Variants in C5orf34 observed in about 807,000 individuals in gnomAD.
C5orf34 encodes chromosome 5 open reading frame 34.
C5orf34 carries 73 observed loss-of-function variants against 78.4 expected under a neutral mutation model. The ratio of observed to expected loss-of-function variants is 0.93; its 90% CI spans 0.77 to 1.13. C5orf34 has a LOEUF of 1.13. Ranked by LOEUF, C5orf34 falls within the 50% of genes most tolerant of loss-of-function variation. The pLI, the probability that C5orf34 is intolerant of heterozygous loss-of-function variation, is 0.00. For missense variants in C5orf34, 730 were observed against 732.7 expected, an observed-to-expected ratio of 1.00 and a Z score of 0.04; for synonymous variants, 251 against 246.6, an observed-to-expected ratio of 1.02 and a Z score of -0.17.
intron 8 of C5orf34, among the ~76,000 whole-genome samples, chr5:43,493,245 T>C (rs1369626246): frequency 6.6e-6 from 1 of 152,102 alleles, no homozygotes; most frequent in East Asian, 1.9e-4. Context: ...TATGAAAATA[T>C]AGAACACTAT....
At chr5:43,501,244 CTTGA>C (rs1745745547) in intron 6 of C5orf34, among the ~76,000 whole-genome samples, 1 of 152,188 alleles carries the variant, frequency 6.6e-6, no homozygotes, top group Non-Finnish European at 1.5e-5. Context: ...TGCTTGCTCA[CTTGA>C]TTGTCTGATG....
chr5:43,510,411 T>C (rs146615213), intron 1 of C5orf34, among the ~76,000 whole-genome samples: 339 of 152,290 alleles, frequency 2.2e-3, no homozygotes, highest in African/African-American at 7.8e-3. Flanking sequence ...GAAGGGGAAT[T>C]AAAGAGTTGG....
chr5:43,495,730 G>C (rs1745488688), intron 6 of C5orf34: 4 of 1,582,722 alleles, frequency 2.5e-6, no homozygotes, highest in East Asian at 2.2e-5. Context: ...GCAAGGGCTT[G>C]TCAGTTGGAT....
chr5:43,499,004 A>C (rs778585744), intron 6 of C5orf34, among the ~76,000 whole-genome samples: 16 of 152,236 alleles, frequency 1.1e-4, no homozygotes, highest in South Asian at 2.1e-4. Context: ...CTGTGCTAAG[A>C]AGCAGCAATA....
At position 43,512,329 on chromosome 5, in the gene C5orf34, A is replaced by G. The variant is rs902272478; in HGVS notation, c.-37+2477T>C. On this transcript the variant is annotated intron_variant, in intron 1 of 12. Transcript: ENST00000306862. ...GCCAGAAAAAAATAACGTTCTATAGAAAACACTTTCACTTTATCCCTATTT... is the reference window on the plus strand; with the variant it reads ...GCCAGAAAAAAATAACGTTCTATAGGAAACACTTTCACTTTATCCCTATTT... Among the ~76,000 whole-genome samples, 9 of 152,364 alleles carry G rather than the reference A, an allele frequency of 5.9e-5. No individual in the cohort carries two copies. In the South Asian group the frequency reaches 1.2e-3, roughly 21 times the overall value.
chr5:43,506,356 A>C lies in C5orf34; in HGVS notation c.324T>G (p.Ser108Arg). ...FIDITEVRWP[S>R]LDTDGTMIYM... ...ATATCATGGTACCATCTGTATCAAGACTGGGCCATCTCACTTCTGTTATGT... is the reference window on the plus strand; with the variant it reads ...ATATCATGGTACCATCTGTATCAAGCCTGGGCCATCTCACTTCTGTTATGT... Residue 108 changes from serine to arginine, a missense_variant, in exon 4 of 13, where the codon AGT (serine) becomes AGG (arginine). Transcript: ENST00000306862. The C allele has an allele frequency of 5.6e-6, 9 of 1,612,128 alleles. No homozygotes were observed. Among genetic ancestry groups the C allele is most frequent in the Non-Finnish European group, 7.6e-6 (9 of 1,179,152 alleles).
At chr5:43,503,001 T>C (rs1240224044) in intron 5 of C5orf34, among the ~76,000 whole-genome samples, 1 of 152,190 alleles carries the variant, frequency 6.6e-6, no homozygotes, top group Non-Finnish European at 1.5e-5. Context: ...AATAGAAACT[T>C]AAGCCAAGTT....
At chr5:43,491,987 G>A (rs1241174069) in intron 10 of C5orf34, among the ~76,000 whole-genome samples, 2 of 138,592 alleles carry the variant, frequency 1.4e-5, no homozygotes, top group Non-Finnish European at 3.0e-5. Flanking sequence ...CCAGGCCACA[G>A]GAGCAAAACT....
intron 12 of C5orf34, among the ~76,000 whole-genome samples, chr5:43,487,690 T>C (rs768828715): frequency 3.9e-5 from 6 of 152,110 alleles, no homozygotes; most frequent in African/African-American, 7.2e-5. Flanking sequence ...TAACTGTTCT[T>C]TGCCCAATTT....
In C5orf34 at chr5:43,487,130, G is replaced by C; in HGVS notation, c.1721-19C>G. The C allele has an allele frequency of 7.6e-7, 1 of 1,316,230 alleles. No individual in the cohort carries two copies. The allele number at this position is 1,316,230 out of a possible 1,614,324, so 81.5% of individuals were successfully genotyped here. ...AGTAGCACTAAGTTGCTTAGTTAAG[G>C]AGGTTTTCCCCACATTTTTCACTAT... On this transcript the variant is annotated intron_variant, in intron 12 of 12. Coordinates refer to ENST00000306862, the MANE Select transcript of C5orf34 (RefSeq NM_198566.4).
intron 4 of C5orf34, 70 bp downstream of exon 4, chr5:43,505,678 A>C (rs1474356386): frequency 1.4e-6 from 2 of 1,441,572 alleles, no homozygotes; most frequent in Non-Finnish European, 1.8e-6. Flanking sequence ...TATCAGATAA[A>C]AAGAAAATTA....
chr5:43,493,396 T>A (rs1452046173), intron 8 of C5orf34, 147 bp downstream of exon 8: 2 of 586,884 alleles, frequency 3.4e-6, no homozygotes, highest in African/African-American at 3.9e-5. Context: ...GTTTGTCTAC[T>A]AGGTAGGTAT....
intron 6 of C5orf34, chr5:43,495,297 C>G: frequency 3.1e-6 from 5 of 1,610,264 alleles, no homozygotes; most frequent in Non-Finnish European, 4.2e-6. Flanking sequence ...GGGCCATCTT[C>G]CAGCTTTTTA....
At chr5:43,491,027 C>G (rs912527497) in intron 10 of C5orf34, among the ~76,000 whole-genome samples, 1 of 152,082 alleles carries the variant, frequency 6.6e-6, no homozygotes, top group Non-Finnish European at 1.5e-5. Context: ...TTTAAATGTT[C>G]TAATTCTTTT....
chr5:43,498,533 C>A (rs1295793369), intron 6 of C5orf34, among the ~76,000 whole-genome samples: 1 of 152,226 alleles, frequency 6.6e-6, no homozygotes, highest in Admixed American at 6.5e-5. Flanking sequence ...TGGTTTCACA[C>A]AGTACCGGGC....
intron 3 of C5orf34, among the ~76,000 whole-genome samples, chr5:43,508,256 TA>T (rs1344701530): frequency 2.6e-5 from 4 of 152,170 alleles, no homozygotes; most frequent in Non-Finnish European, 4.4e-5. Flanking sequence ...AACACAATAC[TA>T]TATAAGCAAA....
chr5:43,486,984 T>C lies in C5orf34; in HGVS notation c.1848A>G (p.Ser616=). The C allele has an allele frequency of 6.3e-7, 1 of 1,590,178 alleles. No individual in the cohort carries two copies. The highest frequency in any genetic ancestry group is 1.1e-5 in the South Asian group (1 of 87,096). The change falls in exon 13 of 13, where the codon TCA becomes TCG. Residue 616 remains serine (S), a synonymous_variant. Transcript: ENST00000306862. ...TTTCAGAGGTTTTTTTCAATGCTAT[T>C]GATACTCTATTTTCATTAACTTCTC... ...LLGEVNENRV[S]IALKKTSEIL... is the part of the protein sequence containing the mutation.
In C5orf34 at chr5:43,508,606, C is replaced by G. The variant is rs1173571398; in HGVS notation, c.256G>C (p.Glu86Gln). ...NSSATCPFLSETIIPSERKKH... is the reference protein window; with the variant it reads ...NSSATCPFLSQTIIPSERKKH... ...TTTCTTTCAGAAGGTATGATGGTTT[C>G]AGATAAAAAAGGGCAAGTAGCTGAA... The change falls in exon 3 of 13, where the codon GAA (glutamate) becomes CAA (glutamine). Residue 86 changes from glutamate to glutamine, a missense_variant. Physicochemically the swap from Glu to Gln is conservative, Grantham distance 29 (BLOSUM62 2). Coordinates refer to ENST00000306862, the MANE Select transcript of C5orf34 (RefSeq NM_198566.4). The G allele has an allele frequency of 6.2e-7, 1 of 1,609,644 alleles. No individual in the cohort carries two copies. The highest frequency in any genetic ancestry group is 8.5e-7 in the Non-Finnish European group (1 of 1,176,670).
chr5:43,502,552 T>A (rs1474567542), intron 5 of C5orf34, 57 bp from the exon 6 acceptor site: 12 of 1,004,366 alleles, frequency 1.2e-5, no homozygotes, highest in Non-Finnish European at 1.7e-5. Flanking sequence ...AAAACATGCA[T>A]GAAGATAGTC....
Sources: gnomAD v4.1 joint callset for allele counts (sites outside exome capture counted in the v4.1 genomes callset) on GRCh38, gnomAD v4.1.1 for gene constraint, MANE v1.5 for transcripts, NCBI Gene and HGNC (gene_info 2026-07-23, HGNC 2026-07-21) for gene names.